The following SIPA1L3 variants were observed in gnomAD, a reference collection of about 807,000 sequenced individuals.
The protein encoded by SIPA1L3 is signal-induced proliferation-associated 1-like protein 3.
SIPA1L3 carries 59 observed loss-of-function variants against 150.1 expected under a neutral mutation model. That is an observed-to-expected ratio of 0.39 (90% CI 0.32 to 0.49). The LOEUF (loss-of-function observed/expected upper bound fraction) is 0.49, where lower values mean the gene tolerates loss of function less well. Among genes scored for constraint, SIPA1L3 ranks in the 20% least tolerant of loss-of-function variants. The pLI, the probability that SIPA1L3 is intolerant of heterozygous loss-of-function variation, is 0.86. For synonymous variants in SIPA1L3, 1,070 were observed against 1,077.6 expected (o/e 0.99, Z 0.14); for missense variants, 2,211 against 2,489.5 (o/e 0.89, Z 2.38).
At chr19:38,129,550 G>C (rs892669038) in intron 9 of SIPA1L3, among the ~76,000 whole-genome samples, 8 of 150,622 alleles carry the variant, frequency 5.3e-5, no homozygotes, top group African/African-American at 2.0e-4. Flanking sequence ...GCTTGAACCC[G>C]GGAGGCGGAG....
At chr19:37,926,115 G>T (rs1436040698) in intron 1 of SIPA1L3, among the ~76,000 whole-genome samples, 3 of 151,262 alleles carry the variant, frequency 2.0e-5, no homozygotes, top group Non-Finnish European at 4.4e-5. Flanking sequence ...TTGAATATTG[G>T]CAATTTTATG....
At chr19:38,079,648 C>T (rs76619787) in intron 2 of SIPA1L3, among the ~76,000 whole-genome samples, 2 of 151,854 alleles carry the variant, frequency 1.3e-5, no homozygotes, top group Admixed American at 6.6e-5. Flanking sequence ...CTCAACCTCC[C>T]GGGTTCGAGT....
chr19:38,094,798 A>T (rs1170732664), intron 4 of SIPA1L3, among the ~76,000 whole-genome samples: 2 of 151,986 alleles, frequency 1.3e-5, no homozygotes, highest in African/African-American at 4.8e-5. Context: ...CAGGCGTGGT[A>T]GCTCACGCCT....
intron 1 of SIPA1L3, among the ~76,000 whole-genome samples, chr19:37,994,789 T>C (rs1158806387): frequency 6.6e-6 from 1 of 152,192 alleles, no homozygotes; most frequent in Admixed American, 6.5e-5. Context: ...TCTTTCGATC[T>C]GTCAGTTGGG....
chr19:38,106,791 C>G (rs1315295738), intron 7 of SIPA1L3, 151 bp downstream of exon 7: 2 of 628,118 alleles, frequency 3.2e-6, no homozygotes, highest in Admixed American at 5.4e-5. Context: ...GGTTAGAGAG[C>G]AGCCCAGGTG....
chr19:37,999,295 G>A lies in SIPA1L3; in HGVS notation c.-378-29794G>A, dbSNP rs575652753. Among the ~76,000 whole-genome samples, 8 of 152,274 alleles carry A rather than the reference G, an allele frequency of 5.3e-5. No homozygotes were observed. In the South Asian group the frequency reaches 1.7e-3, roughly 32 times the overall value. On this transcript the variant is annotated intron_variant, in intron 1 of 21. Transcript: ENST00000222345. The stretch of plus-strand genomic sequence containing the variant: ...TGGGATCCCTTTCACTGCTGGGCCT[G>A]GTTTTACCATGGGGTGGAGGGAGCC...
intron 10 of SIPA1L3, among the ~76,000 whole-genome samples, chr19:38,132,441 G>A (rs1484037838): frequency 6.6e-6 from 1 of 151,476 alleles, no homozygotes; most frequent in Non-Finnish European, 1.5e-5. Context: ...AAAATTAGCT[G>A]GGCGTGGTGG....
intron 1 of SIPA1L3, among the ~76,000 whole-genome samples, chr19:37,935,893 G>A (rs1020532667): frequency 2.0e-5 from 3 of 152,270 alleles, no homozygotes; most frequent in African/African-American, 7.2e-5. Context: ...TCCAGGAGGT[G>A]TGGTCCACTG....
chr19:38,152,697 C>G, intron 12 of SIPA1L3, 143 bp from the exon 13 acceptor site: 1 of 827,818 alleles, frequency 1.2e-6, no homozygotes, highest in South Asian at 2.5e-5. Context: ...CTCATCCAGC[C>G]TTCCTAACCG....
intron 1 of SIPA1L3, among the ~76,000 whole-genome samples, chr19:37,984,664 C>CT (rs1208057650): frequency 1.3e-5 from 2 of 152,184 alleles, no homozygotes; most frequent in Non-Finnish European, 2.9e-5. Context: ...TAGTAAAGAT[C>CT]TTTTTGCATA....
intron 16 of SIPA1L3, among the ~76,000 whole-genome samples, chr19:38,191,186 C>T (rs1000686598): frequency 6.6e-6 from 1 of 151,714 alleles, no homozygotes; most frequent in African/African-American, 2.4e-5. Context: ...GCGGAAGGAT[C>T]GCTTGAGCCC....
intron 10 of SIPA1L3, among the ~76,000 whole-genome samples, chr19:38,138,202 C>G (rs1261914547): frequency 6.6e-6 from 1 of 152,100 alleles, no homozygotes; most frequent in African/African-American, 2.4e-5. Context: ...CACTGGCTCC[C>G]AAACCACTCT....
chr19:37,952,842 A>C (rs900376506), intron 1 of SIPA1L3, among the ~76,000 whole-genome samples: 2 of 152,184 alleles, frequency 1.3e-5, no homozygotes, highest in African/African-American at 4.8e-5. Context: ...TCTGTTCCAC[A>C]TTGCTGGAGA....
chr19:38,005,826 C>T (rs1050253754), intron 1 of SIPA1L3, among the ~76,000 whole-genome samples: 1 of 152,104 alleles, frequency 6.6e-6, no homozygotes, highest in Non-Finnish European at 1.5e-5. Context: ...GGTGGGCAGA[C>T]TGCTGCAGGC....
chr19:37,972,207 C>T (rs1053157451), intron 1 of SIPA1L3, among the ~76,000 whole-genome samples: 1 of 93,944 alleles, frequency 1.1e-5, no homozygotes, highest in Non-Finnish European at 2.3e-5. Flanking sequence ...GTGTGTGTGT[C>T]ATGGGCCCTT....
At chr19:38,076,759 C>T (rs796333043) in intron 2 of SIPA1L3, among the ~76,000 whole-genome samples, 5 of 152,202 alleles carry the variant, frequency 3.3e-5, no homozygotes, top group African/African-American at 9.6e-5. Context: ...TGCAGTTGCC[C>T]GCCATTTCCA....
chr19:38,194,620 C>T (rs1972880061), intron 18 of SIPA1L3, among the ~76,000 whole-genome samples: 2 of 152,216 alleles, frequency 1.3e-5, no homozygotes, highest in African/African-American at 2.4e-5. Context: ...AATTCAGAGG[C>T]ATGTTCTACC....
rs1973231638 is a variant in SIPA1L3 at position 38,206,961 on chromosome 19, A to G, written c.*721A>G. 6.6e-6 allele frequency: 1 copy of G among 152,416 alleles called. No homozygotes were observed. The highest frequency in any genetic ancestry group is 1.5e-5 in the Non-Finnish European group (1 of 68,058). 9.4% of individuals were successfully genotyped at this position (152,416 alleles called of 1,614,324 possible). A position where few individuals can be genotyped will look rare whatever the true frequency, so the allele number is the denominator to read the frequency against. On this transcript the variant is annotated 3_prime_UTR_variant, in exon 22 of 22. Coordinates refer to ENST00000222345, the MANE Select transcript of SIPA1L3 (RefSeq NM_015073.3). ...TATTTGGATCTCCAGGACGGTTTAT[A>G]CGATCTTTTTCTATCAGCTCCTCTT...
chr19:37,985,128 A>G (rs1326324139), intron 1 of SIPA1L3, among the ~76,000 whole-genome samples: 1 of 152,118 alleles, frequency 6.6e-6, no homozygotes, highest in African/African-American at 2.4e-5. Flanking sequence ...CAGGAGGATC[A>G]GTTGAGGCCA....
Sources: allele counts gnomAD v4.1 joint callset (sites outside exome capture counted in the v4.1 genomes callset), GRCh38; gene constraint gnomAD v4.1.1; transcripts MANE v1.5; gene names NCBI Gene and HGNC (gene_info 2026-07-23, HGNC 2026-07-21).